RAB3C: variants seen among roughly 807,000 people sequenced by gnomAD.
RAB3C encodes the protein RAB3C, member RAS oncogene family.
Under a neutral mutation model 26.4 loss-of-function variants are expected in RAB3C, and 17 were observed. That is an observed-to-expected ratio of 0.64 (90% CI 0.44 to 0.97). The LOEUF is 0.97. Ranked by LOEUF, RAB3C falls within the 50% of genes least tolerant of loss-of-function variation. The pLI is 0.00. For missense variants in RAB3C, 242 were observed against 281.9 expected (o/e 0.86, Z 1.01); for synonymous variants, 91 against 95.9 (o/e 0.95, Z 0.30).
At chr5:58,720,390 C>G (rs1489483346) in intron 2 of RAB3C, among the ~76,000 whole-genome samples, 2 of 151,860 alleles carry the variant, frequency 1.3e-5, no homozygotes, top group African/African-American at 4.8e-5. Context: ...TTGAATGAAT[C>G]AATCAGTGTT....
chr5:58,778,232 T>G (rs1742193357), intron 3 of RAB3C, among the ~76,000 whole-genome samples: 1 of 152,178 alleles, frequency 6.6e-6, no homozygotes, highest in African/African-American at 2.4e-5. Flanking sequence ...ATTAGCCAAG[T>G]TAGCAGATTT....
chr5:58,829,892 C>T (rs1388345263), intron 4 of RAB3C, among the ~76,000 whole-genome samples: 3 of 152,130 alleles, frequency 2.0e-5, no homozygotes. Flanking sequence ...TTTAATGGCT[C>T]TTTTGATTAT....
rs559090322 is a variant in RAB3C, at chr5:58,855,700, G to C, written c.*4349G>C. On this transcript the variant is annotated 3_prime_UTR_variant, in exon 5 of 5. Coordinates refer to ENST00000282878, the MANE Select transcript of RAB3C (RefSeq NM_138453.4). ...TATTTTAGGTGAATTTTTGACCAAA[G>C]TCAATTAAAGACATAAACCTGTTTT... The C allele has an allele frequency of 2.6e-5, 4 of 152,162 alleles. No homozygotes were observed. Among genetic ancestry groups the C allele is most frequent in the Non-Finnish European group, 5.9e-5 (4 of 68,028 alleles). 9.4% of individuals were successfully genotyped at this position (152,162 alleles called of 1,614,324 possible).
chr5:58,809,899 G>T (rs779319570), intron 3 of RAB3C, among the ~76,000 whole-genome samples: 1 of 152,190 alleles, frequency 6.6e-6, no homozygotes, highest in Non-Finnish European at 1.5e-5. Flanking sequence ...AAGACATACT[G>T]CAAACTAGTA....
chr5:58,731,861 T>C lies in RAB3C; in HGVS notation c.371+5741T>C, dbSNP rs934988872. Among the ~76,000 whole-genome samples the C allele has an allele frequency of 2.6e-5, 4 of 152,094 alleles. No individual in the cohort carries two copies. The East Asian group carries it at 5.8e-4, about 22-fold the overall frequency. On this transcript the variant is annotated intron_variant, in intron 3 of 4. Coordinates refer to ENST00000282878, the MANE Select transcript of RAB3C (RefSeq NM_138453.4). The stretch of plus-strand genomic sequence containing the variant: ...TGGCTCAGCAGCAGCAGGAAAACTT[T>C]GGTGTGGGAGGCAAGGGGTCTGTGG...
intron 4 of RAB3C, among the ~76,000 whole-genome samples, chr5:58,838,378 CAAA>C (rs35356886): frequency 7.1e-6 from 1 of 141,612 alleles, no homozygotes. Context: ...GACTCCCTCT[CAAA>C]AAAAAAAAAA....
At position 58,606,058 on chromosome 5, in the gene RAB3C, G is replaced by A. The variant is rs1269803929; in HGVS notation, c.25-11585G>A. On this transcript the variant is annotated intron_variant, in intron 1 of 4. Transcript: ENST00000282878. The stretch of plus-strand genomic sequence containing the variant: ...CTCATTAGGACTGGTTGGACAGTGG[G>A]TGCAGCCCACGGAGGGTGAGCTGAA... 3.9e-5 allele frequency among the ~76,000 whole-genome samples: 6 copies of A among 152,312 alleles called. No individual in the cohort carries two copies. In the East Asian group the frequency reaches 5.8e-4, roughly 15 times the overall value.
At chr5:58,787,577 G>C (rs913679326) in intron 3 of RAB3C, among the ~76,000 whole-genome samples, 2 of 152,070 alleles carry the variant, frequency 1.3e-5, no homozygotes, top group African/African-American at 4.8e-5. Context: ...AATTGGAGAG[G>C]GTAACAGTTT....
chr5:58,852,211 A>G lies in RAB3C; in HGVS notation c.*860A>G, dbSNP rs1744129516. ...AGTAGCTATGGAATTCCAAGGTCCAAGCCCCCTTATTTTTCAATGACTTGC... is the reference window on the plus strand; with the variant it reads ...AGTAGCTATGGAATTCCAAGGTCCAGGCCCCCTTATTTTTCAATGACTTGC... On this transcript the variant is annotated 3_prime_UTR_variant, in exon 5 of 5. Transcript: ENST00000282878. 6.6e-6 allele frequency: 1 copy of G among 152,158 alleles called. No homozygotes were observed. Among genetic ancestry groups the G allele is most frequent in the Non-Finnish European group, 1.5e-5 (1 of 68,038 alleles). 9.4% of individuals were successfully genotyped at this position (152,158 alleles called of 1,614,324 possible). A position where few individuals can be genotyped will look rare whatever the true frequency, so the allele number is the denominator to read the frequency against.
chr5:58,693,718 A>C (rs1243283333), intron 2 of RAB3C, among the ~76,000 whole-genome samples: 2 of 152,136 alleles, frequency 1.3e-5, no homozygotes, highest in Admixed American at 6.5e-5. Context: ...TTTCATATAC[A>C]TATGTCTCTG....
chr5:58,762,467 T>C (rs1029899084), intron 3 of RAB3C, among the ~76,000 whole-genome samples: 2 of 152,148 alleles, frequency 1.3e-5, no homozygotes, highest in African/African-American at 4.8e-5. Context: ...CCGAGGCAAG[T>C]GGATCACCTG....
At chr5:58,605,938 T>G (rs1055960744) in intron 1 of RAB3C, among the ~76,000 whole-genome samples, 2 of 152,102 alleles carry the variant, frequency 1.3e-5, no homozygotes, top group African/African-American at 4.8e-5. Context: ...CGTTCCAAGA[T>G]GGCCAAATAG....
intron 1 of RAB3C, among the ~76,000 whole-genome samples, chr5:58,599,360 G>A (rs2111681657): frequency 6.6e-6 from 1 of 152,218 alleles, no homozygotes; most frequent in South Asian, 2.1e-4. Context: ...CAGGGACCAG[G>A]GCCTGAGCTT....
chr5:58,659,892 C>T (rs1747863746), intron 2 of RAB3C, among the ~76,000 whole-genome samples: 3 of 152,152 alleles, frequency 2.0e-5, no homozygotes, highest in Non-Finnish European at 4.4e-5. Context: ...CAACCTCTGC[C>T]TCCTGGGCTC....
intron 4 of RAB3C, among the ~76,000 whole-genome samples, chr5:58,841,108 G>A (rs559049806): frequency 6.6e-6 from 1 of 152,186 alleles, no homozygotes; most frequent in Admixed American, 6.5e-5. Flanking sequence ...TGTCTGCAGG[G>A]GGCAGGGGGC....
chr5:58,850,661 A>T (rs899902460), intron 4 of RAB3C, among the ~76,000 whole-genome samples: 1 of 152,350 alleles, frequency 6.6e-6, no homozygotes, highest in African/African-American at 2.4e-5. Context: ...AAATTGATTT[A>T]AAAAATTGAA....
intron 2 of RAB3C, among the ~76,000 whole-genome samples, chr5:58,682,712 GAC>G (rs1748372990): frequency 2.0e-5 from 3 of 148,278 alleles, no homozygotes; most frequent in African/African-American, 7.5e-5. Context: ...AAAAAAAAAA[GAC>G]AGTTTTTAAG....
At chr5:58,591,586 G>GTATATATATA (rs36004499) in intron 1 of RAB3C, among the ~76,000 whole-genome samples, 16 of 49,584 alleles carry the variant, frequency 3.2e-4, no homozygotes, top group African/African-American at 4.8e-4. Flanking sequence ...TATTTTCATA[G>GTATATATATA]TATATATATA....
At chr5:58,668,892 A>T (rs1412589637) in intron 2 of RAB3C, among the ~76,000 whole-genome samples, 3 of 152,144 alleles carry the variant, frequency 2.0e-5, no homozygotes, top group African/African-American at 4.8e-5. Context: ...TTTATTGCTC[A>T]CAGTTCTAGG....
Sources: allele counts gnomAD v4.1 joint callset (sites outside exome capture counted in the v4.1 genomes callset), GRCh38; gene constraint gnomAD v4.1.1; transcripts MANE v1.5; gene names NCBI Gene and HGNC (gene_info 2026-07-23, HGNC 2026-07-21).